Variants in AOX1 observed in about 807,000 individuals in gnomAD.
AOX1 encodes the protein aldehyde oxidase 1, also known as aldehyde oxidase.
A neutral mutation model predicts 169.5 loss-of-function variants in AOX1; 153 were observed. The observed-to-expected ratio is 0.90, with a 90% CI of 0.79 to 1.03. AOX1 has a LOEUF of 1.03. Ranked by LOEUF, AOX1 falls within the 50% of genes least tolerant of loss-of-function variation. AOX1 has a pLI of 0.00. For synonymous variants in AOX1, 562 were observed against 581.9 expected, an observed-to-expected ratio of 0.97 and a Z score of 0.49; for missense variants, 1,656 against 1,663.9, an observed-to-expected ratio of 1.00 and a Z score of 0.08.
Position 200,604,798 on chromosome 2 carries a change from A to T in AOX1, c.772A>T (p.Lys258Ter). 1 of 1,614,082 alleles carries T rather than the reference A, an allele frequency of 6.2e-7. No individual in the cohort carries two copies. The highest frequency in any genetic ancestry group is 8.5e-7 in the Non-Finnish European group (1 of 1,179,976). ...GAAGGAACTGCTGGAATTTAAATTC[A>T]AGTATCCCCAGGCTCCTGTTATCAT... ...TLKELLEFKF[K>*]YPQAPVIMGN... The change falls in exon 9 of 35, where the codon AAG (lysine) becomes TAG (stop). Residue 258 changes from lysine to a stop codon, truncating the protein, a stop_gained. Coordinates refer to ENST00000374700, the MANE Select transcript of AOX1 (RefSeq NM_001159.4). LOFTEE classifies it high-confidence loss of function.
intron 5 of AOX1, 148 bp downstream of exon 5, chr2:200,599,894 T>G (rs561715482): frequency 5.8e-6 from 3 of 515,522 alleles, no homozygotes; most frequent in East Asian, 7.0e-5. Context: ...CAAGCAATTC[T>G]TGTGCCTCAG....
At chr2:200,598,691 G>A (rs1163432495) in intron 4 of AOX1, among the ~76,000 whole-genome samples, 2 of 151,312 alleles carry the variant, frequency 1.3e-5, no homozygotes, top group Non-Finnish European at 2.9e-5. Context: ...GTTGCAGTGA[G>A]CCAAGATCAT....
In AOX1 at chr2:200,670,644, C is replaced by A; in HGVS notation, c.3982C>A (p.Pro1328Thr). ...TTTATTTTAGATTCCGAGAGATGAA[C>A]CTGGATCCTACGTTCCTTGGAATGT... ...KFTKMIPRDE[P>T]GSYVPWNVPI Residue 1328 changes from proline (P) to threonine (T), a missense_variant, in exon 35 of 35, where the codon CCT becomes ACT. Coordinates refer to ENST00000374700, the MANE Select transcript of AOX1 (RefSeq NM_001159.4). 2 of 1,612,664 alleles carry A rather than the reference C, an allele frequency of 1.2e-6. No homozygotes were observed. The highest frequency in any genetic ancestry group is 2.7e-5 in the African/African-American group (2 of 75,026).
chr2:200,629,047 A>G (rs2035061506), intron 20 of AOX1, among the ~76,000 whole-genome samples: 1 of 152,254 alleles, frequency 6.6e-6, no homozygotes, highest in African/African-American at 2.4e-5. Context: ...GTGCACAGCC[A>G]GAGCTGTGTA....
intron 1 of AOX1, 81 bp downstream of exon 1, chr2:200,586,234 C>A: frequency 7.1e-7 from 1 of 1,398,888 alleles, no homozygotes; most frequent in Admixed American, 2.6e-5. Context: ...TTCGTCCCAT[C>A]CTTTCGTGCC....
chr2:200,668,879 T>C, intron 33 of AOX1, 76 bp downstream of exon 33: 2 of 1,272,102 alleles, frequency 1.6e-6, no homozygotes, highest in Non-Finnish European at 2.2e-6. Flanking sequence ...CATTCCTCTC[T>C]TGGCTGTTTG....
At chr2:200,619,519 T>A (rs1574927570) in intron 16 of AOX1, among the ~76,000 whole-genome samples, 1 of 152,300 alleles carries the variant, frequency 6.6e-6, no homozygotes, top group Middle Eastern at 3.4e-3. Context: ...TGGCCTTATG[T>A]CTGTCTCTTC....
chr2:200,675,308 AC>A (rs2036080185), downstream of AOX1, among the ~76,000 whole-genome samples: 1 of 152,172 alleles, frequency 6.6e-6, no homozygotes, highest in South Asian at 2.1e-4. Flanking sequence ...TAAATAAAAA[AC>A]CTACTAGGGA....
chr2:200,634,875 T>C lies in AOX1; in HGVS notation c.2306T>C (p.Met769Thr), dbSNP rs375296908. ...GTTCCCAAGGGAGAGGATCAAGAAA[T>C]GGATGTCTACGTGTCCACACAGTTT... ...LVVPKGEDQE[M>T]DVYVSTQFPK... The change falls in exon 21 of 35, where the codon ATG (methionine) becomes ACG (threonine). Residue 769 changes from methionine to threonine, a missense_variant. Met to Thr is a moderately conservative substitution (Grantham distance 81). Transcript: ENST00000374700. 1.2e-5 allele frequency: 19 copies of C among 1,613,952 alleles called. No homozygotes were observed. In the Middle Eastern group the frequency reaches 2.1e-3, roughly 182 times the overall value.
intron 1 of AOX1, among the ~76,000 whole-genome samples, chr2:200,587,095 T>C (rs2034052328): frequency 6.6e-6 from 1 of 150,738 alleles, no homozygotes; most frequent in African/African-American, 2.4e-5. Context: ...GGCGAAACCT[T>C]GTCTCTACAA....
At chr2:200,662,529 T>C (rs1015559913) in intron 30 of AOX1, among the ~76,000 whole-genome samples, 2 of 152,092 alleles carry the variant, frequency 1.3e-5, no homozygotes, top group Non-Finnish European at 2.9e-5. Context: ...TGGTGTAAAA[T>C]GAAGGTTGAG....
chr2:200,599,173 A>AT (rs71405334), intron 4 of AOX1, among the ~76,000 whole-genome samples: 1 of 152,030 alleles, frequency 6.6e-6, no homozygotes, highest in African/African-American at 2.4e-5. Flanking sequence ...TTTTTTATTT[A>AT]TTTTTTTTCC....
At chr2:200,586,545 T>G (rs114603976) in intron 1 of AOX1, among the ~76,000 whole-genome samples, 1,688 of 152,306 alleles carry the variant, frequency 0.011, 37 homozygotes, top group African/African-American at 0.038. Flanking sequence ...CCCAGTACAC[T>G]GAGAGCAGCC....
intron 29 of AOX1, among the ~76,000 whole-genome samples, chr2:200,661,010 C>T (rs899215686): frequency 2.0e-5 from 3 of 152,156 alleles, no homozygotes; most frequent in African/African-American, 4.8e-5. Flanking sequence ...GATTGATGTG[C>T]TTCTGACCTT....
At chr2:200,644,227 A>C (rs2035408706) in intron 25 of AOX1, among the ~76,000 whole-genome samples, 1 of 152,110 alleles carries the variant, frequency 6.6e-6, no homozygotes, top group Non-Finnish European at 1.5e-5. Flanking sequence ...ATCCATCTTG[A>C]GTTAATTTTT....
intron 4 of AOX1, 92 bp downstream of exon 4, chr2:200,597,597 G>A: frequency 1.2e-6 from 1 of 863,782 alleles, no homozygotes; most frequent in Non-Finnish European, 1.7e-6. Context: ...GCAGCCTGGG[G>A]CCTGCTGGCT....
chr2:200,601,003 T>G (rs2034402251), intron 5 of AOX1, among the ~76,000 whole-genome samples: 1 of 151,518 alleles, frequency 6.6e-6, no homozygotes, highest in African/African-American at 2.4e-5. Flanking sequence ...CCTACTGCTT[T>G]CACAGTTTAA....
chr2:200,635,016 G>A lies in AOX1; in HGVS notation c.2346+101G>A. On this transcript the variant is annotated intron_variant, in intron 21 of 34. Transcript: ENST00000374700. ...GTAAAAGTATATTTGGGAATTTGAG[G>A]TGGGGGGATTGCTTGAACCCAGGAG... is the stretch of plus-strand genomic sequence containing the variant. 8.9e-6 allele frequency: 13 copies of A among 1,462,694 alleles called. 1 individual carries two copies. In the South Asian group the frequency reaches 1.7e-4, roughly 19 times the overall value. 90.6% of individuals were successfully genotyped at this position (1,462,694 alleles called of 1,614,324 possible).
chr2:200,612,730 CAT>C lies in AOX1; in HGVS notation c.1388_1389del (p.Tyr463TrpfsTer37), dbSNP rs1246285110. The C allele has an allele frequency of 2.5e-6, 4 of 1,613,906 alleles. No individual in the cohort carries two copies. In the African/African-American group the frequency reaches 5.3e-5, roughly 22 times the overall value. The stretch of plus-strand genomic sequence containing the variant: ...GGCATTATTAGAGAGTTATGCATCT[CAT>C]ATGGAGGCGTTGGTCCAGCCACCAT... On this transcript the variant is annotated frameshift_variant, in exon 14 of 35. Transcript: ENST00000374700. LOFTEE classifies it high-confidence loss of function.
Sources: allele counts gnomAD v4.1 joint callset (sites outside exome capture counted in the v4.1 genomes callset), GRCh38; gene constraint gnomAD v4.1.1; transcripts MANE v1.5; gene names NCBI Gene and HGNC (gene_info 2026-07-23, HGNC 2026-07-21).